The following RPTOR variants were observed in gnomAD, a reference collection of about 807,000 sequenced individuals.
RPTOR encodes the protein regulatory associated protein of MTOR complex 1.
RPTOR carries 21 observed loss-of-function variants against 169.9 expected under a neutral mutation model. The ratio of observed to expected loss-of-function variants is 0.12; its 90% confidence interval spans 0.09 to 0.18. The LOEUF (loss-of-function observed/expected upper bound fraction) is 0.18. Ranked by LOEUF, RPTOR falls within the 10% of genes least tolerant of loss-of-function variation. The pLI is 1.00. For missense variants in RPTOR, 1,133 were observed against 1,855.9 expected, an observed-to-expected ratio of 0.61 and a Z score of 7.16; for synonymous variants, 732 against 753.2, an observed-to-expected ratio of 0.97 and a Z score of 0.46.
intron 19 of RPTOR, among the ~76,000 whole-genome samples, chr17:80,893,353 G>T (rs1168618949): frequency 1.3e-5 from 2 of 150,134 alleles, no homozygotes; most frequent in African/African-American, 2.5e-5. Flanking sequence ...GCCAGGGTGT[G>T]TGTGTGCTGG....
At position 80,545,425 on chromosome 17, in the gene RPTOR, C is replaced by A. The variant is rs2084262110; in HGVS notation, c.-205C>A. 4.3e-6 allele frequency: 2 copies of A among 460,528 alleles called. No homozygotes were observed. The highest frequency in any genetic ancestry group is 5.7e-4 in the Middle Eastern group (1 of 1,740). 28.5% of individuals were successfully genotyped at this position (460,528 alleles called of 1,614,324 possible). ...CTTGGGCTGCCCCATTTCCTAGCGG[C>A]CCCCACCTCCCCACTTCCCGCTCAG... On this transcript the variant is annotated 5_prime_UTR_variant, in exon 1 of 34. Transcript: ENST00000306801.
intron 11 of RPTOR, 71 bp from the exon 12 acceptor site, chr17:80,855,393 C>A: frequency 8.7e-7 from 1 of 1,150,510 alleles, no homozygotes; most frequent in Non-Finnish European, 1.3e-6. Context: ...GCTGGCAGCT[C>A]ATGCAGCAGC....
chr17:80,606,184 G>A (rs1201698599), intron 1 of RPTOR, among the ~76,000 whole-genome samples: 1 of 151,940 alleles, frequency 6.6e-6, no homozygotes, highest in African/African-American at 2.4e-5. Flanking sequence ...GCTAATTTTT[G>A]TATTTTCAGT....
intron 5 of RPTOR, among the ~76,000 whole-genome samples, chr17:80,733,342 G>A (rs1200546512): frequency 6.6e-6 from 1 of 152,168 alleles, no homozygotes; most frequent in Non-Finnish European, 1.5e-5. Flanking sequence ...TCCGCTTTCA[G>A]TCTTCTTTTA....
At chr17:80,619,360 T>C (rs2065338111) in intron 1 of RPTOR, among the ~76,000 whole-genome samples, 1 of 152,224 alleles carries the variant, frequency 6.6e-6, no homozygotes, top group African/African-American at 2.4e-5. Context: ...TGTGAATTTA[T>C]ACCCAAGCTT....
chr17:80,876,674 G>A (rs568455176), intron 13 of RPTOR, among the ~76,000 whole-genome samples: 12 of 118,070 alleles, frequency 1.0e-4, no homozygotes, highest in East Asian at 2.7e-4. Context: ...TGTGTGTGTC[G>A]CCTGCCGGGT....
At chr17:80,952,392 C>G (rs1174816775) in intron 28 of RPTOR, among the ~76,000 whole-genome samples, 1 of 152,218 alleles carries the variant, frequency 6.6e-6, no homozygotes, top group Non-Finnish European at 1.5e-5. Context: ...ATCCGTGGAG[C>G]CGCAGAGGTT....
rs1242901673 is a variant in RPTOR, at chr17:80,861,789, TTTTTAGTACC to T, written c.1509+3896_1509+3905del. Among the ~76,000 whole-genome samples the T allele has an allele frequency of 4.3e-4, 66 of 152,302 alleles. 1 individual carries two copies. The highest frequency in any genetic ancestry group is 1.5e-3 in the African/African-American group (63 of 41,570). On this transcript the variant is annotated intron_variant, in intron 13 of 33. Transcript: ENST00000306801. This position sits in a 1 kb window ranked among gnomAD's most constrained non-coding sequence, Gnocchi z 4.5. ...CCAACTTTGATTCTCAGACTTCGTGTTTTTAGTACCTTTTAGGACCTGGAAATTGATGATG... is the reference window on the plus strand; with the variant it reads ...CCAACTTTGATTCTCAGACTTCGTGTTTTTAGGACCTGGAAATTGATGATG...
chr17:80,940,404 A>C, intron 24 of RPTOR, 92 bp from the exon 25 acceptor site: 1 of 1,038,898 alleles, frequency 9.6e-7, no homozygotes, highest in Non-Finnish European at 1.4e-6. Context: ...AGGTTTTGCT[A>C]TCCGAGGGGT....
At chr17:80,904,568 C>T (rs1483821809) in intron 20 of RPTOR, among the ~76,000 whole-genome samples, 1 of 152,188 alleles carries the variant, frequency 6.6e-6, no homozygotes, top group Non-Finnish European at 1.5e-5. Context: ...TACTTTTAGT[C>T]TAGACATGAA....
intron 1 of RPTOR, among the ~76,000 whole-genome samples, chr17:80,560,927 GAGA>G (rs56246829): frequency 0.62 from 93,643 of 151,522 alleles, 29,700 homozygotes; most frequent in Middle Eastern, 0.71. Flanking sequence ...ACCCTGAGAA[GAGA>G]AGAACTGAGA....
At chr17:80,649,482 A>C (rs2065622832) in intron 3 of RPTOR, among the ~76,000 whole-genome samples, 1 of 152,080 alleles carries the variant, frequency 6.6e-6, no homozygotes, top group Non-Finnish European at 1.5e-5. Context: ...GTTGGGCTTC[A>C]TCCACCTTGA....
chr17:80,865,829 C>T (rs2067983371), intron 13 of RPTOR, among the ~76,000 whole-genome samples: 1 of 152,100 alleles, frequency 6.6e-6, no homozygotes, highest in South Asian at 2.1e-4. Context: ...TAGAACACGC[C>T]ACACAGCAGC....
intron 5 of RPTOR, among the ~76,000 whole-genome samples, chr17:80,741,440 C>G (rs938317766): frequency 4.6e-5 from 7 of 152,138 alleles, no homozygotes; most frequent in African/African-American, 1.7e-4. Context: ...GTGATTCGCT[C>G]TGGATCAGAT....
In RPTOR at chr17:80,746,230, ATCCCCACCGCCCCCACAGCG is replaced by A; in HGVS notation, c.655-7779_655-7760del. Reference sequence around the variant, plus strand: ...CCCACAGCGGTGCTTTCTGCGGGTGATCCCCACCGCCCCCACAGCGGTGCTTTCTGCGGGTGATCCCCACC... The same window carrying A: ...CCCACAGCGGTGCTTTCTGCGGGTGAGTGCTTTCTGCGGGTGATCCCCACC... On this transcript the variant is annotated intron_variant, in intron 5 of 33. Coordinates refer to ENST00000306801, the MANE Select transcript of RPTOR (RefSeq NM_020761.3). The surrounding 1 kb of genome is among the most constrained non-coding windows in gnomAD (Gnocchi z 4.5). 7.3e-6 allele frequency among the ~76,000 whole-genome samples: 1 copy of A among 137,490 alleles called. No homozygotes were observed. Among genetic ancestry groups the A allele is most frequent in the Admixed American group, 7.2e-5 (1 of 13,872 alleles). 90.2% of individuals were successfully genotyped at this position (137,490 alleles called of 152,430 possible). A position where few individuals can be genotyped will look rare whatever the true frequency, so the allele number is the denominator to read the frequency against.
In RPTOR at chr17:80,606,780, GCCAT is replaced by G. The variant is rs138907285; in HGVS notation, c.163-18886_163-18883del. Among the ~76,000 whole-genome samples, 1,229 of 151,628 alleles carry G rather than the reference GCCAT, an allele frequency of 8.1e-3. 6 individuals are homozygous for G. Among genetic ancestry groups the G allele is most frequent in the Non-Finnish European group, 0.012 (823 of 67,928 alleles). Reference sequence around the variant, plus strand: ...AACCACCTACCTACCCTTCCGTCTGGCCATCCATCCATCCATCCATCCATCCATT... The same window carrying G: ...AACCACCTACCTACCCTTCCGTCTGGCCATCCATCCATCCATCCATCCATT... On this transcript the variant is annotated intron_variant, in intron 1 of 33. Transcript: ENST00000306801.
At chr17:80,951,804 G>A (rs1016417712) in intron 28 of RPTOR, among the ~76,000 whole-genome samples, 21 of 152,222 alleles carry the variant, frequency 1.4e-4, no homozygotes, top group African/African-American at 4.6e-4. Flanking sequence ...CCCAGGGTCG[G>A]GCTGTGCCAT....
At chr17:80,883,313 A>C (rs2068206453) in intron 14 of RPTOR, 106 bp from the exon 15 acceptor site, 2 of 971,238 alleles carry the variant, frequency 2.1e-6, no homozygotes, top group Non-Finnish European at 3.3e-6. Flanking sequence ...TACTTTAATT[A>C]TGCGCCACGC....
At chr17:80,838,239 T>C (rs930638356) in intron 10 of RPTOR, among the ~76,000 whole-genome samples, 10 of 152,170 alleles carry the variant, frequency 6.6e-5, no homozygotes, top group Non-Finnish European at 1.3e-4. Context: ...CTATTACAGA[T>C]CTACTTTTCT....
Sources: allele counts gnomAD v4.1 joint callset (sites outside exome capture counted in the v4.1 genomes callset), GRCh38; gene constraint gnomAD v4.1.1; non-coding constraint Gnocchi (gnomAD v3.1); transcripts MANE v1.5; gene names NCBI Gene and HGNC (gene_info 2026-07-23, HGNC 2026-07-21).